Variants in FN1 observed in about 807,000 individuals in gnomAD.
FN1 encodes fibronectin.
A neutral mutation model predicts 297.3 loss-of-function variants in FN1; 106 were observed. The observed-to-expected ratio is 0.36, with a 90% CI of 0.30 to 0.42. The LOEUF (loss-of-function observed/expected upper bound fraction) is 0.42. Ranked by LOEUF, FN1 falls within the 10% of genes least tolerant of loss-of-function variation. The pLI is 1.00. For missense variants in FN1, 2,690 were observed against 3,124.9 expected, an observed-to-expected ratio of 0.86 and a Z score of 3.32; for synonymous variants, 1,149 against 1,152.6, an observed-to-expected ratio of 1.00 and a Z score of 0.06.
rs767501019 is a variant in FN1, at chr2:215,423,523, A to C, written c.1220T>G (p.Leu407Trp). ...GGAATTTCCTCCTCGAGTCTGAACC[A>C]AAACTGCCAGGAACAATACACAACA... is the stretch of plus-strand genomic sequence containing the variant. ...KYSFCTDHTV[L>W]VQTRGGNSNG... is the part of the protein sequence containing the mutation. The change falls in exon 9 of 46, where the codon TTG (leucine) becomes TGG (tryptophan). Residue 407 changes from leucine to tryptophan, a missense_variant. Physicochemically the swap from Leu to Trp is moderately conservative, Grantham distance 61. This residue lies in a region of FN1 where 876 missense variants were observed against 1,058.1 expected (regional missense o/e 0.83). Coordinates refer to ENST00000354785, the MANE Select transcript of FN1 (RefSeq NM_212482.4). 3 of 1,614,106 alleles carry C rather than the reference A, an allele frequency of 1.9e-6. No individual in the cohort carries two copies. Among genetic ancestry groups the C allele is most frequent in the South Asian group, 2.2e-5 (2 of 91,068 alleles).
intron 35 of FN1, among the ~76,000 whole-genome samples, chr2:215,377,633 C>A (rs1443451460): frequency 6.6e-6 from 1 of 152,170 alleles, no homozygotes; most frequent in African/African-American, 2.4e-5. Flanking sequence ...GCCAATTAAG[C>A]CTCTTTTCTT....
intron 12 of FN1, among the ~76,000 whole-genome samples, chr2:215,418,967 T>A (rs1347669459): frequency 6.6e-6 from 1 of 151,724 alleles, no homozygotes; most frequent in Non-Finnish European, 1.5e-5. Context: ...AAGATGAAAT[T>A]AGCCAGAGTG....
intron 45 of FN1, 87 bp from the exon 46 acceptor site, chr2:215,361,713 G>A (rs2053482137): frequency 9.2e-7 from 1 of 1,089,428 alleles, no homozygotes; most frequent in Admixed American, 1.7e-5. Flanking sequence ...GGGGACTCAT[G>A]ACAGCTGCTT....
At chr2:215,405,051 G>A (rs6729052) in intron 19 of FN1, among the ~76,000 whole-genome samples, 4,077 of 152,338 alleles carry the variant, frequency 0.027, 197 homozygotes, top group African/African-American at 0.093. Flanking sequence ...TAAAATGACA[G>A]CAAGAAGAAG....
chr2:215,370,554 C>CAAAAAAAAAA, intron 40 of FN1, 122 bp from the exon 41 acceptor site: 2 of 313,456 alleles, frequency 6.4e-6, no homozygotes, highest in Admixed American at 5.7e-5. Context: ...AAACAAAAAA[C>CAAAAAAAAAA]AAAAAAAAAA....
intron 9 of FN1, 121 bp downstream of exon 9, chr2:215,423,229 A>C (rs1575779593): frequency 2.2e-6 from 2 of 928,210 alleles, no homozygotes; most frequent in East Asian, 5.1e-5. Context: ...CTTCACATGA[A>C]GTTTTCTGTT....
intron 26 of FN1, among the ~76,000 whole-genome samples, chr2:215,388,842 A>G (rs1411698267): frequency 6.6e-6 from 1 of 152,160 alleles, no homozygotes; most frequent in Non-Finnish European, 1.5e-5. Context: ...GATTTACTAC[A>G]ATTATCTCCA....
chr2:215,409,440 T>G lies in FN1; in HGVS notation c.2299+123A>C, dbSNP rs549648047. ...TTCCTCATGCCAGAGGGTGGTTTGT[T>G]CAGTCTGAGCTGTCAACCAGTTCCA... On this transcript the variant is annotated intron_variant, in intron 15 of 45. Coordinates refer to ENST00000354785, the MANE Select transcript of FN1 (RefSeq NM_212482.4). The G allele has an allele frequency of 4.4e-4, 404 of 919,626 alleles. 1 individual carries two copies. The highest frequency in any genetic ancestry group is 6.1e-4 in the Non-Finnish European group (337 of 554,746). The allele number at this position is 919,626 out of a possible 1,614,324, so 57.0% of individuals were successfully genotyped here.
Position 215,372,048 on chromosome 2 carries a change from T to C in FN1, c.6575A>G (p.His2192Arg), listed in dbSNP as rs1216764145. 6.2e-7 allele frequency: 1 copy of C among 1,614,190 alleles called. No homozygotes were observed. Reference sequence around the variant, plus strand: ...GGCATTTGGATTGAGTCCCGGACCGTGTGGGTACAGGTGATAGTCTACATC... The same window carrying C: ...GGCATTTGGATTGAGTCCCGGACCGCGTGGGTACAGGTGATAGTCTACATC... ...REDVDYHLYP[H>R]GPGLNPNAST... Residue 2192 changes from histidine to arginine, a missense_variant, in exon 40 of 46, where the codon CAC (histidine) becomes CGC (arginine). By Grantham distance (29) the His-to-Arg change is conservative. This residue lies in a region of FN1 where 1,743 missense variants were observed against 1,945.2 expected (regional missense o/e 0.90). Transcript: ENST00000354785.
intron 6 of FN1, among the ~76,000 whole-genome samples, chr2:215,425,665 G>T (rs1175809108): frequency 6.6e-6 from 1 of 152,030 alleles, no homozygotes; most frequent in Non-Finnish European, 1.5e-5. Context: ...CTATTCTCCT[G>T]CCTCAACCTC....
chr2:215,424,732 T>C (rs143129565), intron 7 of FN1, among the ~76,000 whole-genome samples: 1 of 152,316 alleles, frequency 6.6e-6, no homozygotes, highest in Non-Finnish European at 1.5e-5. Flanking sequence ...GTGACTACCA[T>C]GTTTGTAGTG....
chr2:215,397,042 G>C, intron 23 of FN1, 95 bp downstream of exon 23: 1 of 852,622 alleles, frequency 1.2e-6, no homozygotes, highest in Non-Finnish European at 2.1e-6. Flanking sequence ...TTTGTAATTT[G>C]AATCCCTTCT....
intron 5 of FN1, 47 bp downstream of exon 5, chr2:215,430,668 G>C: frequency 6.2e-7 from 1 of 1,608,374 alleles, no homozygotes; most frequent in Middle Eastern, 1.7e-4. Flanking sequence ...TAGGAATCCA[G>C]AAAACAATAC....
chr2:215,414,354 A>G (rs2063121792), intron 13 of FN1, among the ~76,000 whole-genome samples: 1 of 152,182 alleles, frequency 6.6e-6, no homozygotes, highest in South Asian at 2.1e-4. Flanking sequence ...TTCTATCTAA[A>G]TAAATTCAGT....
intron 24 of FN1, among the ~76,000 whole-genome samples, chr2:215,394,065 G>A (rs1045080561): frequency 1.3e-5 from 2 of 152,170 alleles, no homozygotes; most frequent in Non-Finnish European, 2.9e-5. Context: ...AAAACTAGAT[G>A]TGTCAACCAA....
intron 13 of FN1, among the ~76,000 whole-genome samples, chr2:215,412,101 C>T (rs1285908165): frequency 2.6e-5 from 4 of 152,058 alleles, no homozygotes; most frequent in East Asian, 1.9e-4. Flanking sequence ...ATTGGATGCA[C>T]TGATGCTGTT....
chr2:215,409,219 T>C (rs1317135089), intron 15 of FN1, among the ~76,000 whole-genome samples: 3 of 152,138 alleles, frequency 2.0e-5, no homozygotes, highest in Non-Finnish European at 4.4e-5. Flanking sequence ...CATAACAATT[T>C]GAAAAGTATG....
chr2:215,365,773 G>T (rs368240430), intron 42 of FN1, 143 bp from the exon 43 acceptor site: 3 of 491,166 alleles, frequency 6.1e-6, no homozygotes, highest in Admixed American at 3.9e-5. Context: ...CCCCTATAAT[G>T]GGCCATTTAT....
chr2:215,408,435 T>G lies in FN1; in HGVS notation c.2300-9A>C, dbSNP rs1024460602. 2 of 1,613,892 alleles carry G rather than the reference T, an allele frequency of 1.2e-6. No homozygotes were observed. The highest frequency in any genetic ancestry group is 1.7e-6 in the Non-Finnish European group (2 of 1,179,918). ...GGCTGTGCTTGGAAGATCTTTGAAA[T>G]GAAAAGAAAAGGTAACTAATCAGAG... On this transcript the variant is annotated splice_polypyrimidine_tract_variant and intron_variant, in intron 15 of 45. Coordinates refer to ENST00000354785, the MANE Select transcript of FN1 (RefSeq NM_212482.4).
Sources: allele counts gnomAD v4.1 joint callset (sites outside exome capture counted in the v4.1 genomes callset), GRCh38; gene constraint gnomAD v4.1.1; regional missense constraint gnomAD v4.1.1; transcripts MANE v1.5; gene names NCBI Gene and HGNC (gene_info 2026-07-23, HGNC 2026-07-21).